The following DYNC2H1 variants were observed in gnomAD, a reference collection of about 807,000 sequenced individuals.
DYNC2H1 encodes the protein dynein cytoplasmic 2 heavy chain 1.
A neutral mutation model predicts 570.0 loss-of-function variants in DYNC2H1; 410 were observed. That is an observed-to-expected ratio of 0.72 (90% CI 0.66 to 0.78). The LOEUF (loss-of-function observed/expected upper bound fraction) is 0.78, where lower values mean the gene tolerates loss of function less well. Ranked by LOEUF, DYNC2H1 falls within the 30% of genes least tolerant of loss-of-function variation. DYNC2H1 has a pLI of 0.00. For synonymous variants in DYNC2H1, 1,688 were observed against 1,677.6 expected (o/e 1.01, Z -0.15); for missense variants, 4,865 against 5,046.4 (o/e 0.96, Z 1.09).
At chr11:103,126,906 G>A (rs909180196) in intron 12 of DYNC2H1, among the ~76,000 whole-genome samples, 1 of 152,094 alleles carries the variant, frequency 6.6e-6, no homozygotes, top group African/African-American at 2.4e-5. Context: ...CCAAAGTGCT[G>A]GGATTACAGG....
intron 83 of DYNC2H1, among the ~76,000 whole-genome samples, chr11:103,371,927 G>GTTTTTTTTTTTTTTTTTTTT (rs60335910): frequency 4.4e-5 from 3 of 67,880 alleles, no homozygotes; most frequent in Non-Finnish European, 7.3e-5. Context: ...TCCCATTTGG[G>GTTTTTTTTTTTTTTTTTTTT]TTTTTTTTTT....
intron 86 of DYNC2H1, 85 bp downstream of exon 86, chr11:103,455,380 T>A: frequency 1.0e-6 from 1 of 986,316 alleles, no homozygotes; most frequent in South Asian, 1.4e-5. Context: ...TGCCCTTGAT[T>A]GTCAAGAAAT....
intron 85 of DYNC2H1, among the ~76,000 whole-genome samples, chr11:103,442,043 A>C (rs753498834): frequency 1.3e-5 from 2 of 152,174 alleles, no homozygotes; most frequent in South Asian, 2.1e-4. Flanking sequence ...AAGTTGAAAA[A>C]GTCTATATGT....
chr11:103,319,714 T>C lies in DYNC2H1; in HGVS notation c.11726-1315T>C, dbSNP rs952538821. Among the ~76,000 whole-genome samples the C allele has an allele frequency of 6.6e-6, 1 of 152,176 alleles. No homozygotes were observed. The highest frequency in any genetic ancestry group is 2.4e-5 in the African/African-American group (1 of 41,452). ...AAATTCGATAAAATATTTCACATAA[T>C]GGCTGCTGTTTCTGTTTTATAAGTT... is the stretch of plus-strand genomic sequence containing the variant. On this transcript the variant is annotated intron_variant, in intron 80 of 88. Coordinates refer to ENST00000375735, the MANE Select transcript of DYNC2H1 (RefSeq NM_001377.3). This position sits in a 1 kb window ranked among gnomAD's most constrained non-coding sequence, Gnocchi z 4.3.
intron 84 of DYNC2H1, among the ~76,000 whole-genome samples, chr11:103,413,234 A>T (rs2135693483): frequency 6.6e-6 from 1 of 152,272 alleles, no homozygotes; most frequent in South Asian, 2.1e-4. Flanking sequence ...TGGGGACCTT[A>T]TTTTTTGTTA....
chr11:103,162,354 G>T (rs994044836), intron 29 of DYNC2H1, among the ~76,000 whole-genome samples: 9 of 152,000 alleles, frequency 5.9e-5, no homozygotes, highest in Middle Eastern at 3.2e-3. Context: ...TGCAGCTTTT[G>T]CCTTTTTATT....
Position 103,186,419 on chromosome 11 carries a change from G to A in DYNC2H1, c.6811G>A (p.Gly2271Ser). The change falls in exon 42 of 89, where the codon GGT becomes AGT. Residue 2271 changes from glycine (G) to serine (S), a missense_variant. Gly to Ser is a moderately conservative substitution (Grantham distance 56). Coordinates refer to ENST00000375735, the MANE Select transcript of DYNC2H1 (RefSeq NM_001377.3). The surrounding 1 kb of genome is among the most constrained non-coding windows in gnomAD (Gnocchi z 4.5). Reference sequence around the variant, plus strand: ...CATTCAGACTCCTGACATGCAACGAGGTCTAGATTATTTCAAACCATGGTT... The same window carrying A: ...CATTCAGACTCCTGACATGCAACGAAGTCTAGATTATTTCAAACCATGGTT... ...PVIQTPDMQR[G>S]LDYFKPWLSS... The A allele has an allele frequency of 1.2e-6, 2 of 1,612,702 alleles. No individual in the cohort carries two copies. The highest frequency in any genetic ancestry group is 1.7e-6 in the Non-Finnish European group (2 of 1,179,196).
intron 70 of DYNC2H1, among the ~76,000 whole-genome samples, chr11:103,265,518 C>A (rs1431560897): frequency 6.6e-6 from 1 of 152,202 alleles, no homozygotes; most frequent in Non-Finnish European, 1.5e-5. Flanking sequence ...TTGTATTCTT[C>A]TCTATACCGA....
At chr11:103,443,097 T>G (rs1944320140) in intron 85 of DYNC2H1, among the ~76,000 whole-genome samples, 1 of 151,876 alleles carries the variant, frequency 6.6e-6, no homozygotes, top group Non-Finnish European at 1.5e-5. Context: ...GAAGAAGAAA[T>G]GATTGACAGT....
rs1429346272 is a variant in DYNC2H1, at chr11:103,363,844, C to T, written c.12156+5485C>T. On this transcript the variant is annotated intron_variant, in intron 83 of 88. Coordinates refer to ENST00000375735, the MANE Select transcript of DYNC2H1 (RefSeq NM_001377.3). This position sits in a 1 kb window ranked among gnomAD's most constrained non-coding sequence, Gnocchi z 5.6. ...AACACTATTATATAAAAGGTAAACA[C>T]CAGCTAGGCTTATTTTGACAGTAGA... is the stretch of plus-strand genomic sequence containing the variant. 1.3e-5 allele frequency among the ~76,000 whole-genome samples: 2 copies of T among 152,158 alleles called. No homozygotes were observed. Among genetic ancestry groups the T allele is most frequent in the Non-Finnish European group, 2.9e-5 (2 of 68,042 alleles).
rs1859168579 is a variant in DYNC2H1, at chr11:103,129,629, G to C, written c.1953+624G>C. Among the ~76,000 whole-genome samples the C allele has an allele frequency of 6.6e-6, 1 of 151,866 alleles. No individual in the cohort carries two copies. The highest frequency in any genetic ancestry group is 2.1e-4 in the South Asian group (1 of 4,816). ...AACCCAGGAGGTGGAGGTTGCAGTG[G>C]GTCGAGATCGTGCCACTGCACTCTA... On this transcript the variant is annotated intron_variant, in intron 13 of 88. Transcript: ENST00000375735. The surrounding 1 kb of genome is among the most constrained non-coding windows in gnomAD (Gnocchi z 4.1).
chr11:103,382,995 G>A (rs1164971010), intron 83 of DYNC2H1, among the ~76,000 whole-genome samples: 1 of 152,182 alleles, frequency 6.6e-6, no homozygotes, highest in African/African-American at 2.4e-5. Flanking sequence ...GGAACACAGG[G>A]AATCAAAGAG....
At chr11:103,248,213 A>G (rs1213783850) in intron 65 of DYNC2H1, among the ~76,000 whole-genome samples, 2 of 151,948 alleles carry the variant, frequency 1.3e-5, no homozygotes, top group African/African-American at 4.8e-5. Context: ...TTTGCCTTTA[A>G]TTAAGTCCCA....
chr11:103,276,202 CAT>C (rs1491435722), intron 70 of DYNC2H1, among the ~76,000 whole-genome samples: 3 of 152,142 alleles, frequency 2.0e-5, no homozygotes, highest in South Asian at 2.1e-4. Flanking sequence ...CACACACACA[CAT>C]GCACATCCCC....
chr11:103,199,238 A>G lies in DYNC2H1; in HGVS notation c.7850A>G (p.His2617Arg). ...TGATTTTTTTAAAAGGGTCTTATTC[A>G]TTATGGACGAGATAACCAGAATTTA... ...LKDVIKKGLI[H>R]YGRDNQNLDI... The change falls in exon 49 of 89, where the codon CAT becomes CGT. Residue 2617 changes from histidine to arginine, a missense_variant. Transcript: ENST00000375735. The surrounding 1 kb of genome is among the most constrained non-coding windows in gnomAD (Gnocchi z 4.6). The G allele has an allele frequency of 6.4e-7, 1 of 1,572,506 alleles. No individual in the cohort carries two copies. Among genetic ancestry groups the G allele is most frequent in the Non-Finnish European group, 8.7e-7 (1 of 1,155,810 alleles).
In DYNC2H1 at chr11:103,277,279, AT is replaced by A. The variant is rs559772246; in HGVS notation, c.10696-3063del. On this transcript the variant is annotated intron_variant, in intron 70 of 88. Coordinates refer to ENST00000375735, the MANE Select transcript of DYNC2H1 (RefSeq NM_001377.3). The surrounding 1 kb of genome is among the most constrained non-coding windows in gnomAD (Gnocchi z 4.3). ...TATCATGTATGGCTTTTTGTATTCA[AT>A]TTTTTAAAAATTTAGCTCCAATTTT... 3.9e-4 allele frequency among the ~76,000 whole-genome samples: 59 copies of A among 152,118 alleles called. No individual in the cohort carries two copies. In the South Asian group the frequency reaches 6.2e-3, roughly 16 times the overall value.
chr11:103,211,093 A>G (rs2931801), intron 53 of DYNC2H1, among the ~76,000 whole-genome samples: 128,382 of 151,952 alleles, frequency 0.84, 55,465 homozygotes, highest in Non-Finnish European at 0.92. Flanking sequence ...CCAAAGAAGA[A>G]GTAATAATAA....
rs890328578 is a variant in DYNC2H1, at chr11:103,198,066, A to G, written c.7839+3A>G. On this transcript the variant is annotated splice_donor_region_variant and intron_variant, in intron 48 of 88. Transcript: ENST00000375735. The stretch of plus-strand genomic sequence containing the variant: ...ATCTCAAGGATGTTATTAAAAAGGT[A>G]TAATATGAATCATTAATTGGAACTG... 1.3e-6 allele frequency: 2 copies of G among 1,550,804 alleles called. No homozygotes were observed. The highest frequency in any genetic ancestry group is 2.4e-5 in the East Asian group (1 of 40,904).
At position 103,450,400 on chromosome 11, in the gene DYNC2H1, C is replaced by T. The variant is rs549492236; in HGVS notation, c.12457-4786C>T. The stretch of plus-strand genomic sequence containing the variant: ...CAAAAGCAGAATGCGCATTCAAGTG[C>T]GCACAGGGTGTTTACAGTGGTAGGT... On this transcript the variant is annotated intron_variant, in intron 85 of 88. Coordinates refer to ENST00000375735, the MANE Select transcript of DYNC2H1 (RefSeq NM_001377.3). Among the ~76,000 whole-genome samples the T allele has an allele frequency of 9.9e-5, 15 of 152,252 alleles. No homozygotes were observed. The East Asian group carries it at 2.1e-3, about 22-fold the overall frequency.
Sources: gnomAD v4.1 joint callset for allele counts (sites outside exome capture counted in the v4.1 genomes callset) on GRCh38, gnomAD v4.1.1 for gene constraint, Gnocchi (gnomAD v3.1) non-coding constraint, MANE v1.5 for transcripts, NCBI Gene and HGNC (gene_info 2026-07-23, HGNC 2026-07-21) for gene names.